The following RPS6KA5 variants were observed in gnomAD, a reference collection of about 807,000 sequenced individuals.
RPS6KA5 encodes the protein ribosomal protein S6 kinase alpha-5.
A neutral mutation model predicts 85.5 loss-of-function variants in RPS6KA5; 27 were observed. The ratio of observed to expected loss-of-function variants is 0.32; its 90% CI spans 0.23 to 0.44. The LOEUF (loss-of-function observed/expected upper bound fraction) is 0.44, where lower values mean the gene tolerates loss of function less well. Ranked by LOEUF, RPS6KA5 falls within the 20% of genes least tolerant of loss-of-function variation. The pLI is 1.00. For missense variants in RPS6KA5, 811 were observed against 980.9 expected, an observed-to-expected ratio of 0.83 and a Z score of 2.31; for synonymous variants, 334 against 348.2, an observed-to-expected ratio of 0.96 and a Z score of 0.46.
At position 90,873,492 on chromosome 14, in the gene RPS6KA5, TA is replaced by T. The variant is rs2033252690; in HGVS notation, c.2160+139del. ...GTGTTTATAACCATGAAGCAATTTA[TA>T]AAAACATACCTAAAAGTAAAAGGAC... On this transcript the variant is annotated intron_variant, in intron 16 of 16. Coordinates refer to ENST00000614987, the MANE Select transcript of RPS6KA5 (RefSeq NM_004755.4). The T allele has an allele frequency of 1.2e-5, 10 of 800,758 alleles. No individual in the cohort carries two copies. In the East Asian group the frequency reaches 1.9e-4, roughly 15 times the overall value. The allele number at this position is 800,758 out of a possible 1,614,324, so 49.6% of individuals were successfully genotyped here.
intron 14 of RPS6KA5, among the ~76,000 whole-genome samples, chr14:90,883,309 T>A (rs2033975882): frequency 6.6e-6 from 1 of 152,166 alleles, no homozygotes; most frequent in Non-Finnish European, 1.5e-5. Context: ...CCTTAGGCTC[T>A]GTTCGCTTTT....
At chr14:90,951,795 T>G (rs2038204246) in intron 3 of RPS6KA5, among the ~76,000 whole-genome samples, 1 of 152,172 alleles carries the variant, frequency 6.6e-6, no homozygotes, top group Non-Finnish European at 1.5e-5. Context: ...CCCAGAGGCC[T>G]TGTATGATAT....
chr14:90,898,634 G>A (rs757325562), intron 12 of RPS6KA5, among the ~76,000 whole-genome samples: 13 of 152,164 alleles, frequency 8.5e-5, no homozygotes, highest in Admixed American at 6.5e-4. Context: ...GTGCTCTTGT[G>A]CCTCCAAGTT....
At position 90,869,187 on chromosome 14, in the gene RPS6KA5, C is replaced by A. The variant is rs1460965615; in HGVS notation, c.*2887G>T. The A allele has an allele frequency of 6.6e-6, 1 of 152,170 alleles. No individual in the cohort carries two copies. The highest frequency in any genetic ancestry group is 1.5e-5 in the Non-Finnish European group (1 of 68,106). 9.4% of individuals were successfully genotyped at this position (152,170 alleles called of 1,614,324 possible). A position where few individuals can be genotyped will look rare whatever the true frequency, so the allele number is the denominator to read the frequency against. ...GCCTCCCATGAGCCACCATGCTCAGCTAATTTTTATTTTTATTTTTGGAGA... is the reference window on the plus strand; with the variant it reads ...GCCTCCCATGAGCCACCATGCTCAGATAATTTTTATTTTTATTTTTGGAGA... On this transcript the variant is annotated 3_prime_UTR_variant, in exon 17 of 17. Coordinates refer to ENST00000614987, the MANE Select transcript of RPS6KA5 (RefSeq NM_004755.4).
At chr14:91,057,336 A>G (rs2043365329) in intron 1 of RPS6KA5, among the ~76,000 whole-genome samples, 1 of 152,182 alleles carries the variant, frequency 6.6e-6, no homozygotes, top group Non-Finnish European at 1.5e-5. Flanking sequence ...TGGTAATACA[A>G]TAAACTTACT....
intron 5 of RPS6KA5, among the ~76,000 whole-genome samples, chr14:90,941,921 T>A (rs1344517946): frequency 6.6e-6 from 1 of 152,172 alleles, no homozygotes; most frequent in African/African-American, 2.4e-5. Flanking sequence ...TCACTAAAAT[T>A]TTTACAAAGG....
chr14:90,904,412 C>CTTT (rs2035387816), intron 8 of RPS6KA5, among the ~76,000 whole-genome samples: 1 of 152,156 alleles, frequency 6.6e-6, no homozygotes, highest in African/African-American at 2.4e-5. Context: ...AGTTCATCTC[C>CTTT]TTTATTTGAT....
In RPS6KA5 at chr14:90,868,153, C is replaced by A. The variant is rs1566664548; in HGVS notation, c.*3921G>T. The A allele has an allele frequency of 6.6e-6, 1 of 152,108 alleles. No individual in the cohort carries two copies. The highest frequency in any genetic ancestry group is 6.5e-5 in the Admixed American group (1 of 15,270). The allele number at this position is 152,108 out of a possible 1,614,324, so 9.4% of individuals were successfully genotyped here. On this transcript the variant is annotated 3_prime_UTR_variant, in exon 17 of 17. Transcript: ENST00000614987. Reference sequence around the variant, plus strand: ...TACTTAACAAAACAGGGAATAAAACCTTTAATGTTGGCTGTAGCAGTTATT... The same window carrying A: ...TACTTAACAAAACAGGGAATAAAACATTTAATGTTGGCTGTAGCAGTTATT...
At position 90,858,363 on chromosome 14, in the gene RPS6KA5, AATG is replaced by A. The variant is rs1326985186; in HGVS notation, c.*13708_*13710del. 1 of 152,182 alleles carries A rather than the reference AATG, an allele frequency of 6.6e-6. No individual in the cohort carries two copies. Among genetic ancestry groups the A allele is most frequent in the African/African-American group, 2.4e-5 (1 of 41,448 alleles). 9.4% of individuals were successfully genotyped at this position (152,182 alleles called of 1,614,324 possible). A position where few individuals can be genotyped will look rare whatever the true frequency, so the allele number is the denominator to read the frequency against. ...AATCTCTGTCCAAGAACTGTTCGAG[AATG>A]ATGTTAACATCACGTGTAGGAATGC... is the stretch of plus-strand genomic sequence containing the variant. On this transcript the variant is annotated 3_prime_UTR_variant, in exon 17 of 17. Coordinates refer to ENST00000614987, the MANE Select transcript of RPS6KA5 (RefSeq NM_004755.4).
At chr14:90,879,429 TACC>T (rs2033683608) in intron 14 of RPS6KA5, among the ~76,000 whole-genome samples, 1 of 152,226 alleles carries the variant, frequency 6.6e-6, no homozygotes, top group Admixed American at 6.5e-5. Context: ...TCAGCAAAGA[TACC>T]ACCTGGCTCA....
chr14:90,901,546 T>C (rs2035170669), intron 9 of RPS6KA5, among the ~76,000 whole-genome samples: 1 of 152,240 alleles, frequency 6.6e-6, no homozygotes, highest in African/African-American at 2.4e-5. Context: ...AATGATGCTC[T>C]GAGCTAAGTG....
At chr14:91,058,434 T>A (rs577188540) in intron 1 of RPS6KA5, among the ~76,000 whole-genome samples, 19 of 152,354 alleles carry the variant, frequency 1.2e-4, no homozygotes, top group Admixed American at 7.2e-4. Flanking sequence ...TAACTACTAA[T>A]AACAAGCAGG....
intron 7 of RPS6KA5, among the ~76,000 whole-genome samples, chr14:90,909,034 C>A (rs1334671864): frequency 6.6e-6 from 1 of 152,212 alleles, no homozygotes; most frequent in Non-Finnish European, 1.5e-5. Flanking sequence ...TGTTTCCTGT[C>A]CTGCATCCTT....
intron 3 of RPS6KA5, among the ~76,000 whole-genome samples, chr14:90,956,424 T>C (rs1482033542): frequency 6.6e-6 from 1 of 152,152 alleles, no homozygotes; most frequent in African/African-American, 2.4e-5. Context: ...CCTTTGATAG[T>C]GTATCTTTTG....
At chr14:90,892,147 C>T (rs938963124) in intron 13 of RPS6KA5, among the ~76,000 whole-genome samples, 9 of 151,816 alleles carry the variant, frequency 5.9e-5, no homozygotes, top group African/African-American at 1.7e-4. Flanking sequence ...TACAGGTGCC[C>T]GCCACCATGC....
Position 90,851,101 on chromosome 14 carries a change from G to C in RPS6KA5, c.*20973C>G, listed in dbSNP as rs1306009556. On this transcript the variant is annotated 3_prime_UTR_variant, in exon 17 of 17. Transcript: ENST00000614987. ...CCCCCAGGCTGGAGTGCAGTGGCGT[G>C]ATCTCGGCTCACTGCAAGCTCCGCC... 1.3e-5 allele frequency: 2 copies of C among 152,036 alleles called. No homozygotes were observed. Among genetic ancestry groups the C allele is most frequent in the East Asian group, 3.9e-4 (2 of 5,182 alleles). 9.4% of individuals were successfully genotyped at this position (152,036 alleles called of 1,614,324 possible).
chr14:90,875,386 G>GA, intron 14 of RPS6KA5, 26 bp from the exon 15 acceptor site: 2 of 1,603,092 alleles, frequency 1.2e-6, no homozygotes, highest in Non-Finnish European at 8.5e-7. Flanking sequence ...TAACAAAACA[G>GA]AATGACTACC....
intron 2 of RPS6KA5, among the ~76,000 whole-genome samples, chr14:90,985,984 G>A (rs1288365563): frequency 6.6e-6 from 1 of 152,118 alleles, no homozygotes; most frequent in Non-Finnish European, 1.5e-5. Flanking sequence ...TGAAAAATTA[G>A]GTGTGAGTGA....
intron 7 of RPS6KA5, among the ~76,000 whole-genome samples, chr14:90,907,635 AT>A (rs1412942813): frequency 6.6e-6 from 1 of 152,224 alleles, no homozygotes; most frequent in African/African-American, 2.4e-5. Flanking sequence ...AGTGTTGTTA[AT>A]CTCAAAGTTA....
Sources: allele counts gnomAD v4.1 joint callset (sites outside exome capture counted in the v4.1 genomes callset), GRCh38; gene constraint gnomAD v4.1.1; transcripts MANE v1.5; gene names NCBI Gene and HGNC (gene_info 2026-07-23, HGNC 2026-07-21).